Variants in ELMO1 observed in about 807,000 individuals in gnomAD.
ELMO1 encodes the protein engulfment and cell motility protein 1.
In ELMO1, 26 loss-of-function variants were observed where a neutral mutation model predicts 98.9. That is an observed-to-expected ratio of 0.26 (90% confidence interval 0.19 to 0.36). The LOEUF (loss-of-function observed/expected upper bound fraction) is 0.36, where lower values mean the gene tolerates loss of function less well. Ranked by LOEUF, ELMO1 falls within the 10% of genes least tolerant of loss-of-function variation. The probability of loss-of-function intolerance (pLI) is 1.00; values close to 1 mark genes in which losing one functional copy is unlikely to be tolerated. For synonymous variants in ELMO1, 346 were observed against 346.0 expected (o/e 1.00, Z 0.00); for missense variants, 627 against 935.2 (o/e 0.67, Z 4.30).
chr7:37,156,460 G>T (rs553552952), intron 13 of ELMO1, among the ~76,000 whole-genome samples: 17 of 151,980 alleles, frequency 1.1e-4, no homozygotes, highest in African/African-American at 4.1e-4. Flanking sequence ...GAAAAATCAA[G>T]TAGATGCAAT....
chr7:37,133,671 T>C (rs1312185371), intron 13 of ELMO1, among the ~76,000 whole-genome samples: 2 of 152,168 alleles, frequency 1.3e-5, no homozygotes, highest in African/African-American at 4.8e-5. Context: ...TGACTCCGCA[T>C]CCTTACGTGG....
intron 1 of ELMO1, among the ~76,000 whole-genome samples, chr7:37,387,341 C>T (rs1165018236): frequency 1.3e-5 from 2 of 152,212 alleles, no homozygotes; most frequent in African/African-American, 4.8e-5. Flanking sequence ...ACTAGGGAAG[C>T]GTCTGTTTCA....
chr7:37,293,113 T>C (rs1332104002), intron 4 of ELMO1, among the ~76,000 whole-genome samples: 2 of 23,146 alleles, frequency 8.6e-5, no homozygotes, highest in Admixed American at 5.1e-4. Flanking sequence ...CAGCCCCCCG[T>C]CCGGCCAGCC....
At chr7:37,129,323 G>C (rs1260361871) in intron 14 of ELMO1, among the ~76,000 whole-genome samples, 1 of 152,190 alleles carries the variant, frequency 6.6e-6, no homozygotes, top group Non-Finnish European at 1.5e-5. Context: ...TAGCAAGGAG[G>C]CCACTAAGAT....
chr7:36,974,708 C>T (rs2129137816), intron 16 of ELMO1, among the ~76,000 whole-genome samples: 1 of 152,276 alleles, frequency 6.6e-6, no homozygotes, highest in African/African-American at 2.4e-5. Flanking sequence ...GCTCGGGTCC[C>T]CTTCCACACT....
intron 1 of ELMO1, among the ~76,000 whole-genome samples, chr7:37,354,709 C>T (rs1276975887): frequency 6.6e-6 from 1 of 152,186 alleles, no homozygotes; most frequent in Non-Finnish European, 1.5e-5. Context: ...GCCTGTCACT[C>T]GGTGATGTGT....
At position 37,441,983 on chromosome 7, in the gene ELMO1, A is replaced by G. The variant is rs540590289; in HGVS notation, c.-74+6692T>C. The stretch of plus-strand genomic sequence containing the variant: ...CTTATAACTGCTGTTGAAAGTCTAG[A>G]CTATCTGATAACACACAACTGGTCT... On this transcript the variant is annotated intron_variant, in intron 1 of 21. Transcript: ENST00000310758. 3.3e-5 allele frequency among the ~76,000 whole-genome samples: 5 copies of G among 152,328 alleles called. No individual in the cohort carries two copies. In the South Asian group the frequency reaches 6.2e-4, roughly 19 times the overall value.
At chr7:37,261,553 G>A (rs548801147) in intron 5 of ELMO1, among the ~76,000 whole-genome samples, 1 of 152,232 alleles carries the variant, frequency 6.6e-6, no homozygotes, top group African/African-American at 2.4e-5. Context: ...AAATCACTCA[G>A]GATGCTGCAT....
At chr7:37,417,333 T>C (rs1037672101) in intron 1 of ELMO1, among the ~76,000 whole-genome samples, 14 of 152,182 alleles carry the variant, frequency 9.2e-5, no homozygotes, top group African/African-American at 3.1e-4. Flanking sequence ...CTAGGACTGT[T>C]ATCTTTATAA....
At chr7:37,340,021 A>G (rs1426351439) in intron 2 of ELMO1, among the ~76,000 whole-genome samples, 1 of 152,212 alleles carries the variant, frequency 6.6e-6, no homozygotes, top group Non-Finnish European at 1.5e-5. Context: ...CACAAAAGAT[A>G]AAGACTGAGA....
intron 21 of ELMO1, 56 bp downstream of exon 21, chr7:36,861,603 T>A (rs1287717199): frequency 1.3e-6 from 2 of 1,564,618 alleles, no homozygotes; most frequent in African/African-American, 2.8e-5. Flanking sequence ...TCTTTCTATA[T>A]TTTTCTTGAG....
intron 16 of ELMO1, among the ~76,000 whole-genome samples, chr7:36,936,680 C>T (rs1350272535): frequency 6.6e-6 from 1 of 152,108 alleles, no homozygotes; most frequent in Non-Finnish European, 1.5e-5. Context: ...TCTCAAACTC[C>T]TGGCCTCAAG....
intron 16 of ELMO1, among the ~76,000 whole-genome samples, chr7:36,951,513 G>T (rs1787966505): frequency 6.6e-6 from 1 of 152,174 alleles, no homozygotes; most frequent in Non-Finnish European, 1.5e-5. Flanking sequence ...AATCTAGGGT[G>T]GCCACTGGAA....
At chr7:36,996,630 C>A (rs901282293) in intron 16 of ELMO1, among the ~76,000 whole-genome samples, 2 of 152,098 alleles carry the variant, frequency 1.3e-5, no homozygotes, top group Non-Finnish European at 1.5e-5. Flanking sequence ...AATAAGTTTC[C>A]GAACTTAGCA....
intron 16 of ELMO1, among the ~76,000 whole-genome samples, chr7:36,963,996 T>C (rs922688187): frequency 1.3e-5 from 2 of 152,196 alleles, no homozygotes; most frequent in Non-Finnish European, 2.9e-5. Flanking sequence ...AAAACTAATA[T>C]TTGTATCTGC....
chr7:37,212,810 G>A (rs1793054262), intron 12 of ELMO1, among the ~76,000 whole-genome samples: 1 of 152,200 alleles, frequency 6.6e-6, no homozygotes, highest in Non-Finnish European at 1.5e-5. Flanking sequence ...AAAGCCTTCT[G>A]AATGGAGCTA....
chr7:36,866,235 T>C (rs1803024294), intron 20 of ELMO1, among the ~76,000 whole-genome samples: 1 of 152,202 alleles, frequency 6.6e-6, no homozygotes, highest in South Asian at 2.1e-4. Context: ...CCTTAATCCT[T>C]GCAAATCAAA....
In ELMO1 at chr7:36,887,551, A is replaced by G; in HGVS notation, c.1714+9T>C. On this transcript the variant is annotated intron_variant, in intron 18 of 21. Coordinates refer to ENST00000310758, the MANE Select transcript of ELMO1 (RefSeq NM_014800.11). The stretch of plus-strand genomic sequence containing the variant: ...CTATCCAAGTTTGGAGTGTCCCCAG[A>G]AACAATACCTTGCCTCCGCCGGGCA... 6.2e-7 allele frequency: 1 copy of G among 1,613,870 alleles called. No individual in the cohort carries two copies. The highest frequency in any genetic ancestry group is 1.1e-5 in the South Asian group (1 of 91,060).
At chr7:37,304,550 T>C (rs886738893) in intron 4 of ELMO1, among the ~76,000 whole-genome samples, 3 of 152,080 alleles carry the variant, frequency 2.0e-5, no homozygotes, top group African/African-American at 7.2e-5. Flanking sequence ...ACTCTGTCTC[T>C]ACTAAAAATA....
Sources: gnomAD v4.1 joint callset for allele counts (sites outside exome capture counted in the v4.1 genomes callset) on GRCh38, gnomAD v4.1.1 for gene constraint, MANE v1.5 for transcripts, NCBI Gene and HGNC (gene_info 2026-07-23, HGNC 2026-07-21) for gene names.